The following MPHOSPH8 variants were observed in gnomAD, a reference collection of about 807,000 sequenced individuals.
The protein encoded by MPHOSPH8 is M-phase phosphoprotein 8.
A neutral mutation model predicts 87.3 loss-of-function variants in MPHOSPH8; 45 were observed. The ratio of observed to expected loss-of-function variants is 0.52; its 90% CI spans 0.41 to 0.66. The LOEUF (loss-of-function observed/expected upper bound fraction) is 0.66, where lower values mean the gene tolerates loss of function less well. Among genes scored for constraint, MPHOSPH8 ranks in the 30% least tolerant of loss-of-function variants. The pLI, the probability that MPHOSPH8 is intolerant of heterozygous loss-of-function variation, is 0.00. For synonymous variants in MPHOSPH8, 366 were observed against 376.9 expected, an observed-to-expected ratio of 0.97 and a Z score of 0.33; for missense variants, 883 against 1,020.2, an observed-to-expected ratio of 0.87 and a Z score of 1.83.
At chr13:19,641,781 C>T (rs184029256) in intron 1 of MPHOSPH8, among the ~76,000 whole-genome samples, 6 of 152,194 alleles carry the variant, frequency 3.9e-5, no homozygotes, top group Non-Finnish European at 7.4e-5. Context: ...CGGGCATGAG[C>T]CACTGCGCCT....
Position 19,646,953 on chromosome 13 carries a change from A to G in MPHOSPH8, c.880A>G (p.Lys294Glu), listed in dbSNP as rs748375206. Residue 294 changes from lysine to glutamate, a missense_variant, in exon 3 of 14, where the codon AAA becomes GAA. Physicochemically the swap from Lys to Glu is moderately conservative, Grantham distance 56. Coordinates refer to ENST00000361479, the MANE Select transcript of MPHOSPH8 (RefSeq NM_017520.4). ...SDSREEKQNT[K>E]SARERAGQDM... ...CAGCAGAGAAGAGAAACAAAACACTAAAAGTGCAAGAGAGAGAGCAGGGCA... is the reference window on the plus strand; with the variant it reads ...CAGCAGAGAAGAGAAACAAAACACTGAAAGTGCAAGAGAGAGAGCAGGGCA... The G allele has an allele frequency of 6.3e-6, 10 of 1,592,788 alleles. No individual in the cohort carries two copies. Among genetic ancestry groups the G allele is most frequent in the East Asian group, 4.5e-5 (2 of 44,808 alleles).
At chr13:19,640,743 T>G (rs572563461) in intron 1 of MPHOSPH8, among the ~76,000 whole-genome samples, 2 of 152,166 alleles carry the variant, frequency 1.3e-5, no homozygotes, top group East Asian at 3.9e-4. Context: ...TTCTAACAAC[T>G]TAATAAGAGA....
At chr13:19,653,288 CAG>C (rs1457257783) in intron 5 of MPHOSPH8, among the ~76,000 whole-genome samples, 1 of 152,218 alleles carries the variant, frequency 6.6e-6, no homozygotes, top group African/African-American at 2.4e-5. Flanking sequence ...CCCAGGCAAA[CAG>C]AGTCTGGAGT....
At chr13:19,661,616 A>C in intron 7 of MPHOSPH8, 82 bp from the exon 8 acceptor site, 1 of 1,420,890 alleles carries the variant, frequency 7.0e-7, no homozygotes, top group Non-Finnish European at 9.5e-7. Flanking sequence ...TTTCACATTG[A>C]AACATCTCGA....
At chr13:19,658,472 C>CAG (rs35907022) in intron 5 of MPHOSPH8, among the ~76,000 whole-genome samples, 120,182 of 151,928 alleles carry the variant, frequency 0.79, 48,649 homozygotes, top group East Asian at 0.96. Flanking sequence ...CAATACCTCA[C>CAG]GGGGGTGGGT....
chr13:19,671,083 C>A, intron 12 of MPHOSPH8, 123 bp from the exon 13 acceptor site: 1 of 1,468,006 alleles, frequency 6.8e-7, no homozygotes. Context: ...GCCTCCTCCA[C>A]AACATCTTGA....
Position 19,642,136 on chromosome 13 carries a change from C to G in MPHOSPH8, c.235C>G (p.Arg79Gly). The change falls in exon 2 of 14, where the codon CGC (arginine) becomes GGC (glycine). Residue 79 changes from arginine to glycine, a missense_variant. Coordinates refer to ENST00000361479, the MANE Select transcript of MPHOSPH8 (RefSeq NM_017520.4). The part of the protein sequence containing the change: ...TEGGKVLYKV[R>G]WKGYTSDDDT... ...ACAGGGTAAAGTTCTTTACAAAGTT[C>G]GCTGGAAAGGCTATACATCGGATGA... The G allele has an allele frequency of 6.5e-7, 1 of 1,538,438 alleles. No homozygotes were observed. Among genetic ancestry groups the G allele is most frequent in the Non-Finnish European group, 8.7e-7 (1 of 1,143,248 alleles).
intron 9 of MPHOSPH8, among the ~76,000 whole-genome samples, chr13:19,663,999 G>A (rs1041688592): frequency 2.0e-5 from 3 of 152,124 alleles, no homozygotes; most frequent in African/African-American, 7.2e-5. Context: ...GCTGCATGAG[G>A]CCCATAAACA....
intron 9 of MPHOSPH8, among the ~76,000 whole-genome samples, chr13:19,665,669 C>G (rs948507291): frequency 2.0e-5 from 3 of 152,212 alleles, no homozygotes; most frequent in Non-Finnish European, 4.4e-5. Flanking sequence ...TGCGGGAGTG[C>G]CACCGCTCCT....
intron 1 of MPHOSPH8, among the ~76,000 whole-genome samples, chr13:19,641,022 T>G (rs1204598156): frequency 6.6e-6 from 1 of 152,202 alleles, no homozygotes; most frequent in African/African-American, 2.4e-5. Context: ...ATCCATTTAT[T>G]ATTTGGTTCT....
chr13:19,660,977 G>A (rs1897018327), intron 7 of MPHOSPH8: 2 of 984,200 alleles, frequency 2.0e-6, no homozygotes, highest in Non-Finnish European at 1.2e-6. Flanking sequence ...ACAAAAATGA[G>A]AGCTGGGCGT....
chr13:19,654,596 A>C (rs1875047960), intron 5 of MPHOSPH8, among the ~76,000 whole-genome samples: 1 of 152,230 alleles, frequency 6.6e-6, no homozygotes, highest in South Asian at 2.1e-4. Context: ...AAAGAATGCT[A>C]ATGCTAACTT....
At chr13:19,671,478 A>G (rs974126616) in intron 13 of MPHOSPH8, among the ~76,000 whole-genome samples, 189 bp downstream of exon 13, 2 of 151,706 alleles carry the variant, frequency 1.3e-5, no homozygotes, top group African/African-American at 4.9e-5. Flanking sequence ...TGCGGCAGGA[A>G]AAGAACTAGG....
rs748221226 is a variant in MPHOSPH8 at position 19,633,784 on chromosome 13, A to C, written c.36A>C (p.Ala12=). The change falls in exon 1 of 14, where the codon GCA becomes GCC. Residue 12 remains alanine, a synonymous_variant. Coordinates refer to ENST00000361479, the MANE Select transcript of MPHOSPH8 (RefSeq NM_017520.4). Reference sequence around the variant, plus strand: ...TTGCGGAGGGAGCAAGGGTGACCGCAGTCCCTGTGTCAGCTGCCGACAGCA... The same window carrying C: ...TTGCGGAGGGAGCAAGGGTGACCGCCGTCCCTGTGTCAGCTGCCGACAGCA... ...EQVAEGARVT[A]VPVSAADSTE... is the part of the protein sequence containing the mutation. The C allele has an allele frequency of 1.2e-6, 2 of 1,606,534 alleles. No individual in the cohort carries two copies. Among genetic ancestry groups the C allele is most frequent in the African/African-American group, 1.3e-5 (1 of 74,992 alleles).
At chr13:19,649,261 C>G (rs1874722567) in intron 4 of MPHOSPH8, among the ~76,000 whole-genome samples, 1 of 151,972 alleles carries the variant, frequency 6.6e-6, no homozygotes, top group Admixed American at 6.6e-5. Flanking sequence ...AAAACTGGAC[C>G]TGGCCTTGTT....
intron 9 of MPHOSPH8, among the ~76,000 whole-genome samples, chr13:19,665,492 G>A (rs1875762485): frequency 6.6e-6 from 1 of 151,938 alleles, no homozygotes; most frequent in African/African-American, 2.4e-5. Flanking sequence ...CACTCGCTCT[G>A]TCCCGAGCCT....
chr13:19,646,664 A>C lies in MPHOSPH8; in HGVS notation c.591A>C (p.Leu197Phe), dbSNP rs1216067377. The change falls in exon 3 of 14, where the codon TTA becomes TTC. Residue 197 changes from leucine to phenylalanine, a missense_variant. Leu to Phe is a conservative substitution (Grantham distance 22). Around this residue, in one of 3 missense-constraint regions of MPHOSPH8, gnomAD observed 741 missense variants for 841.5 expected, o/e 0.88. Transcript: ENST00000361479. ...ESSLESLVFD[L>F]RTKKRISEAK... The stretch of plus-strand genomic sequence containing the variant: ...CCTTGGAAAGTTTAGTTTTTGATTT[A>C]AGGACAAAGAAAAGAATTTCTGAAG... 1 of 1,593,106 alleles carries C rather than the reference A, an allele frequency of 6.3e-7. No homozygotes were observed. Among genetic ancestry groups the C allele is most frequent in the East Asian group, 2.2e-5 (1 of 44,752 alleles).
Position 19,672,013 on chromosome 13 carries a change from AGTCT to A in MPHOSPH8, c.*141_*144del. 1.2e-6 allele frequency: 1 copy of A among 815,328 alleles called. No homozygotes were observed. The highest frequency in any genetic ancestry group is 1.6e-5 in the South Asian group (1 of 63,908). The allele number at this position is 815,328 out of a possible 1,614,324, so 50.5% of individuals were successfully genotyped here. On this transcript the variant is annotated 3_prime_UTR_variant, in exon 14 of 14. Transcript: ENST00000361479. ...TGCAGTTAAGCCTGTTGTCTGTTGT[AGTCT>A]GTAAGATGCGACATAGCTGTGTCTG...
intron 7 of MPHOSPH8, chr13:19,660,877 C>A (rs895844923): frequency 3.1e-6 from 3 of 964,340 alleles, no homozygotes; most frequent in Non-Finnish European, 3.7e-6. Flanking sequence ...AAAATTTGAT[C>A]GTATGCCCCC....
Sources: allele counts gnomAD v4.1 joint callset (sites outside exome capture counted in the v4.1 genomes callset), GRCh38; gene constraint gnomAD v4.1.1; regional missense constraint gnomAD v4.1.1; transcripts MANE v1.5; gene names NCBI Gene and HGNC (gene_info 2026-07-23, HGNC 2026-07-21).